Variants in RERG observed in about 807,000 individuals in gnomAD.
RERG encodes RAS like estrogen regulated growth inhibitor.
RERG carries 25 observed loss-of-function variants against 23.2 expected under a neutral mutation model. The observed-to-expected ratio is 1.08, with a 90% CI of 0.79 to 1.50. The LOEUF (loss-of-function observed/expected upper bound fraction) is 1.50, where lower values mean the gene tolerates loss of function less well. Among genes scored for constraint, RERG ranks in the 40% most tolerant of loss-of-function variants. RERG has a pLI of 0.00. For missense variants in RERG, 253 were observed against 250.1 expected, an observed-to-expected ratio of 1.01 and a Z score of -0.08; for synonymous variants, 81 against 89.1, an observed-to-expected ratio of 0.91 and a Z score of 0.51.
At position 15,111,342 on chromosome 12, in the gene RERG, A is replaced by T; in HGVS notation, c.192+2T>A. On this transcript the variant is annotated splice_donor_variant, in intron 4 of 4. Transcript: ENST00000256953. LOFTEE classifies it high-confidence loss of function. ...AATATTTTAGCTGAACTCTTTATTC[A>T]CCTGACCAGCAGTGTCTAGTATCTC... is the stretch of plus-strand genomic sequence containing the variant. 3 of 1,604,262 alleles carry T rather than the reference A, an allele frequency of 1.9e-6. No individual in the cohort carries two copies. Among genetic ancestry groups the T allele is most frequent in the Non-Finnish European group, 2.6e-6 (3 of 1,172,622 alleles).
chr12:15,202,874 T>C (rs1403260666), intron 2 of RERG, among the ~76,000 whole-genome samples: 1 of 151,808 alleles, frequency 6.6e-6, no homozygotes, highest in Non-Finnish European at 1.5e-5. Flanking sequence ...AGAACATCCA[T>C]ACTGTTTTCC....
At chr12:15,170,439 C>T (rs567290350) in intron 2 of RERG, among the ~76,000 whole-genome samples, 1 of 151,920 alleles carries the variant, frequency 6.6e-6, no homozygotes, top group South Asian at 2.1e-4. Context: ...AAATAGAGTG[C>T]TTTTTTAAAA....
At chr12:15,157,396 G>A (rs956190068) in intron 2 of RERG, among the ~76,000 whole-genome samples, 8 of 152,184 alleles carry the variant, frequency 5.3e-5, no homozygotes, top group African/African-American at 1.9e-4. Flanking sequence ...CGTGCAAGAA[G>A]CTTGAGAACC....
At chr12:15,177,463 A>T (rs892844029) in intron 2 of RERG, among the ~76,000 whole-genome samples, 4 of 152,198 alleles carry the variant, frequency 2.6e-5, no homozygotes, top group African/African-American at 9.6e-5. Context: ...AAAGAAAAAA[A>T]AAATTTACAA....
intron 2 of RERG, among the ~76,000 whole-genome samples, chr12:15,161,174 G>GAAAGAAAGAAAGA: frequency 7.3e-6 from 1 of 137,300 alleles, no homozygotes; most frequent in East Asian, 2.2e-4. Context: ...AAGAAAGAAA[G>GAAAGAAAGAAAGA]AAAGAAAGAA....
At chr12:15,197,968 A>G (rs1033439927) in intron 2 of RERG, among the ~76,000 whole-genome samples, 1 of 152,082 alleles carries the variant, frequency 6.6e-6, no homozygotes, top group Admixed American at 6.6e-5. Context: ...TGCTTCCTGT[A>G]GGTCTTGCCC....
chr12:15,193,224 G>A (rs1302554251), intron 2 of RERG, among the ~76,000 whole-genome samples: 1 of 152,020 alleles, frequency 6.6e-6, no homozygotes, highest in African/African-American at 2.4e-5. Flanking sequence ...TGTTTCTACT[G>A]CCTTTATTCA....
intron 3 of RERG, among the ~76,000 whole-genome samples, chr12:15,117,671 A>ACGCGCG (rs112757751): frequency 1.3e-4 from 9 of 68,026 alleles, no homozygotes; most frequent in African/African-American, 4.0e-4. Context: ...TCCATCACAC[A>ACGCGCG]CGCGCACACA....
At chr12:15,212,152 C>T (rs1256212520) in intron 2 of RERG, among the ~76,000 whole-genome samples, 3 of 147,698 alleles carry the variant, frequency 2.0e-5, no homozygotes, top group South Asian at 2.2e-4. Flanking sequence ...CTCCGCTTCC[C>T]GGGTTCACGC....
chr12:15,193,879 T>C (rs1865106223), intron 2 of RERG, among the ~76,000 whole-genome samples: 1 of 152,120 alleles, frequency 6.6e-6, no homozygotes, highest in South Asian at 2.1e-4. Context: ...ATTTCCTAAG[T>C]TTCAGTGGTA....
At chr12:15,170,676 G>T (rs757531003) in intron 2 of RERG, among the ~76,000 whole-genome samples, 1 of 152,184 alleles carries the variant, frequency 6.6e-6, no homozygotes, top group Admixed American at 6.5e-5. Context: ...GAGGAAGCCT[G>T]CAGAGTTCTG....
At chr12:15,217,001 C>T (rs1391948546) in intron 2 of RERG, 1 of 154,114 alleles carries the variant, frequency 6.5e-6, no homozygotes, top group Non-Finnish European at 1.4e-5. Flanking sequence ...AAGCTAGATT[C>T]ACTTAAGCAT....
At chr12:15,131,328 G>A (rs1864042501) in intron 2 of RERG, among the ~76,000 whole-genome samples, 1 of 150,800 alleles carries the variant, frequency 6.6e-6, no homozygotes, top group African/African-American at 2.5e-5. Flanking sequence ...TTTTAAAAGT[G>A]ATTGTTAATA....
chr12:15,148,883 TTTTTA>T (rs1864385564), intron 2 of RERG, among the ~76,000 whole-genome samples: 20 of 123,640 alleles, frequency 1.6e-4, no homozygotes, highest in African/African-American at 2.4e-4. Flanking sequence ...TTTTTTTTTT[TTTTTA>T]GACAGAGTCT....
chr12:15,148,216 G>A (rs1239498730), intron 2 of RERG, among the ~76,000 whole-genome samples: 1 of 152,054 alleles, frequency 6.6e-6, no homozygotes, highest in South Asian at 2.1e-4. Flanking sequence ...GTATGTAGGT[G>A]GATTCAAAAC....
intron 2 of RERG, among the ~76,000 whole-genome samples, chr12:15,158,435 C>A (rs975585458): frequency 1.3e-5 from 2 of 152,032 alleles, no homozygotes; most frequent in African/African-American, 4.8e-5. Flanking sequence ...GCACACATCA[C>A]CACACCTGGC....
At chr12:15,198,360 T>C (rs1164334621) in intron 2 of RERG, among the ~76,000 whole-genome samples, 1 of 152,126 alleles carries the variant, frequency 6.6e-6, no homozygotes, top group Non-Finnish European at 1.5e-5. Flanking sequence ...CTTCAGGATG[T>C]TGGTCAGCTC....
At chr12:15,212,259 C>T (rs1865378772) in intron 2 of RERG, among the ~76,000 whole-genome samples, 1 of 149,682 alleles carries the variant, frequency 6.7e-6, no homozygotes, top group Non-Finnish European at 1.5e-5. Context: ...CGGGGTTTCA[C>T]CTTGTTAGCC....
chr12:15,175,064 AAAT>A (rs1180562271), intron 2 of RERG, among the ~76,000 whole-genome samples: 1 of 151,954 alleles, frequency 6.6e-6, no homozygotes. Flanking sequence ...TGGACATTTT[AAAT>A]AATATAATGT....
Sources: allele counts gnomAD v4.1 joint callset (sites outside exome capture counted in the v4.1 genomes callset), GRCh38; gene constraint gnomAD v4.1.1; transcripts MANE v1.5; gene names NCBI Gene and HGNC (gene_info 2026-07-23, HGNC 2026-07-21).